Variants in NR5A2 observed in about 807,000 individuals in gnomAD.
NR5A2 encodes CYP7A promoter-binding factor.
In NR5A2, 26 loss-of-function variants were observed where a neutral mutation model predicts 62.7. The ratio of observed to expected loss-of-function variants is 0.41; its 90% CI spans 0.30 to 0.58. The LOEUF is 0.58. Among genes scored for constraint, NR5A2 ranks in the 20% least tolerant of loss-of-function variants. The pLI, the probability that NR5A2 is intolerant of heterozygous loss-of-function variation, is 0.22. For missense variants in NR5A2, 541 were observed against 669.1 expected (o/e 0.81, Z 2.11); for synonymous variants, 246 against 241.7 (o/e 1.02, Z -0.16).
At chr1:200,038,899 G>T (rs1271586174) in intron 1 of NR5A2, 2 of 513,314 alleles carry the variant, frequency 3.9e-6, no homozygotes, top group Admixed American at 8.6e-5. Context: ...ATTGGCTGGC[G>T]GCTAGTGTCC....
At chr1:200,053,238 A>G (rs1292360715) in intron 5 of NR5A2, among the ~76,000 whole-genome samples, 2 of 152,156 alleles carry the variant, frequency 1.3e-5, no homozygotes, top group African/African-American at 4.8e-5. Context: ...TTGTTTTTTT[A>G]ACACACTTGT....
chr1:200,042,885 G>C, intron 2 of NR5A2: 1 of 985,510 alleles, frequency 1.0e-6, no homozygotes, highest in Non-Finnish European at 1.2e-6. Flanking sequence ...GGAGCAAGGC[G>C]GTTACCCGAT....
At chr1:200,099,007 T>C (rs1341786614) in intron 5 of NR5A2, among the ~76,000 whole-genome samples, 4 of 152,214 alleles carry the variant, frequency 2.6e-5, no homozygotes, top group African/African-American at 9.6e-5. Context: ...GCTACTACTT[T>C]CTATGAATCC....
chr1:200,084,967 G>A (rs1039472738), intron 5 of NR5A2, among the ~76,000 whole-genome samples: 1 of 152,120 alleles, frequency 6.6e-6, no homozygotes, highest in Admixed American at 6.6e-5. Context: ...CGTTTGTACC[G>A]GATCTGATTC....
chr1:200,119,971 G>A (rs1205281049), intron 6 of NR5A2, among the ~76,000 whole-genome samples: 4 of 151,838 alleles, frequency 2.6e-5, no homozygotes, highest in Admixed American at 1.3e-4. Context: ...TCCAGACAAC[G>A]GAATTATTCT....
chr1:200,038,988 T>C (rs1347846655), intron 1 of NR5A2, among the ~76,000 whole-genome samples: 2 of 151,810 alleles, frequency 1.3e-5, no homozygotes, highest in East Asian at 3.9e-4. Context: ...TGGCCCTACT[T>C]ACCTCCTTCT....
chr1:200,153,658 T>C (rs1004973309), intron 7 of NR5A2, among the ~76,000 whole-genome samples: 2 of 152,092 alleles, frequency 1.3e-5, no homozygotes, highest in Admixed American at 6.6e-5. Flanking sequence ...AATACATTTT[T>C]TAAAACAGGT....
chr1:200,163,176 T>C (rs1197411953), intron 7 of NR5A2, among the ~76,000 whole-genome samples: 1 of 151,810 alleles, frequency 6.6e-6, no homozygotes, highest in Non-Finnish European at 1.5e-5. Flanking sequence ...AGTTTGTGCT[T>C]TTCACTTGCT....
chr1:200,164,705 A>G (rs1365114486), intron 7 of NR5A2, among the ~76,000 whole-genome samples: 1 of 150,786 alleles, frequency 6.6e-6, no homozygotes, highest in African/African-American at 2.4e-5. Flanking sequence ...CAGCCACCAC[A>G]CCCGGCTAAT....
intron 7 of NR5A2, among the ~76,000 whole-genome samples, chr1:200,144,321 C>T (rs547213662): frequency 5.9e-5 from 9 of 152,024 alleles, no homozygotes; most frequent in African/African-American, 2.2e-4. Context: ...CGTGGGTCTC[C>T]GGTCTGCCTT....
intron 5 of NR5A2, among the ~76,000 whole-genome samples, chr1:200,064,239 A>T (rs1279167946): frequency 6.6e-6 from 1 of 152,152 alleles, no homozygotes; most frequent in Admixed American, 6.5e-5. Context: ...CCCTCCTGAC[A>T]TTGATGCGGC....
intron 7 of NR5A2, among the ~76,000 whole-genome samples, chr1:200,153,956 C>T (rs1653257792): frequency 1.3e-5 from 2 of 152,078 alleles, no homozygotes; most frequent in Non-Finnish European, 2.9e-5. Flanking sequence ...AAAATTAGTT[C>T]ATATGTCAAA....
At chr1:200,102,521 C>T (rs1044645639) in intron 5 of NR5A2, among the ~76,000 whole-genome samples, 7 of 152,298 alleles carry the variant, frequency 4.6e-5, no homozygotes, top group Middle Eastern at 3.4e-3. Flanking sequence ...GTTCACTTTA[C>T]ACCTAAACAT....
At chr1:200,129,641 T>C (rs1666874610) in intron 7 of NR5A2, among the ~76,000 whole-genome samples, 1 of 152,222 alleles carries the variant, frequency 6.6e-6, no homozygotes, top group Non-Finnish European at 1.5e-5. Flanking sequence ...GATGTTCTAA[T>C]TGTGCAGTGG....
intron 5 of NR5A2, among the ~76,000 whole-genome samples, chr1:200,107,909 G>A (rs564861167): frequency 1.3e-5 from 2 of 151,420 alleles, no homozygotes; most frequent in East Asian, 3.9e-4. Context: ...GGGATTACAG[G>A]CATAAGACAT....
intron 7 of NR5A2, among the ~76,000 whole-genome samples, chr1:200,156,529 C>A (rs1192904136): frequency 6.6e-6 from 1 of 152,136 alleles, no homozygotes. Flanking sequence ...TCCCAAGTAG[C>A]TGGGATTACA....
At chr1:200,028,323 T>A (rs1661419881) in intron 1 of NR5A2, among the ~76,000 whole-genome samples, 1 of 151,796 alleles carries the variant, frequency 6.6e-6, no homozygotes, top group South Asian at 2.1e-4. Context: ...AAGTATTTGT[T>A]ACTTTTCAAC....
intron 1 of NR5A2, chr1:200,029,035 AAC>A (rs1333831141): frequency 4.5e-6 from 2 of 442,256 alleles, no homozygotes; most frequent in Admixed American, 2.4e-5. Flanking sequence ...TTCTGCAGAT[AAC>A]ACAGAAAATA....
intron 5 of NR5A2, among the ~76,000 whole-genome samples, chr1:200,080,101 A>G (rs545102822): frequency 6.6e-6 from 1 of 152,342 alleles, no homozygotes; most frequent in Admixed American, 6.5e-5. Context: ...GATTTGGAGA[A>G]AGAAGGAGAA....
Sources: gnomAD v4.1 joint callset for allele counts (sites outside exome capture counted in the v4.1 genomes callset) on GRCh38, gnomAD v4.1.1 for gene constraint, MANE v1.5 for transcripts, NCBI Gene and HGNC (gene_info 2026-07-23, HGNC 2026-07-21) for gene names.